The following NTM variants were observed in gnomAD, a reference collection of about 807,000 sequenced individuals.
The protein encoded by NTM is neurotrimin.
A neutral mutation model predicts 42.1 loss-of-function variants in NTM; 13 were observed. The observed-to-expected ratio is 0.31, with a 90% CI of 0.20 to 0.49. The LOEUF (loss-of-function observed/expected upper bound fraction) is 0.49. Among genes scored for constraint, NTM ranks in the 20% least tolerant of loss-of-function variants. The pLI is 0.99. For missense variants in NTM, 373 were observed against 452.8 expected (o/e 0.82, Z 1.60); for synonymous variants, 187 against 179.2 (o/e 1.04, Z -0.35).
At chr11:131,475,470 A>C (rs1365995433) in intron 1 of NTM, among the ~76,000 whole-genome samples, 1 of 152,052 alleles carries the variant, frequency 6.6e-6, no homozygotes, top group Non-Finnish European at 1.5e-5. Flanking sequence ...AAAATGGGAC[A>C]TGAAATAAAA....
At chr11:132,109,823 C>T (rs1221473077) in intron 2 of NTM, among the ~76,000 whole-genome samples, 3 of 152,210 alleles carry the variant, frequency 2.0e-5, no homozygotes, top group Middle Eastern at 3.2e-3. Flanking sequence ...ATCCCAAAGT[C>T]CATTGTATCA....
At chr11:132,032,098 G>A (rs1249320767) in intron 2 of NTM, among the ~76,000 whole-genome samples, 1 of 152,078 alleles carries the variant, frequency 6.6e-6, no homozygotes, top group Admixed American at 6.5e-5. Context: ...ATCCCAAGTG[G>A]ACTCTATGCT....
At position 131,544,926 on chromosome 11, in the gene NTM, A is replaced by C. The variant is rs534634233; in HGVS notation, c.82+174038A>C. Among the ~76,000 whole-genome samples the C allele has an allele frequency of 3.3e-5, 5 of 152,292 alleles. No homozygotes were observed. In the South Asian group the frequency reaches 8.3e-4, roughly 25 times the overall value. On this transcript the variant is annotated intron_variant, in intron 1 of 8. Transcript: ENST00000683400. ...ACGGTGGTTTCAGAATCTTACCAATAGCTTGATCATTTTCGGAAGGACCCC... is the reference window on the plus strand; with the variant it reads ...ACGGTGGTTTCAGAATCTTACCAATCGCTTGATCATTTTCGGAAGGACCCC...
intron 2 of NTM, among the ~76,000 whole-genome samples, chr11:131,976,673 G>A (rs2134809543): frequency 6.6e-6 from 1 of 152,188 alleles, no homozygotes; most frequent in East Asian, 1.9e-4. Flanking sequence ...AAATGTCCAG[G>A]ATGCTCTCTG....
intron 1 of NTM, among the ~76,000 whole-genome samples, chr11:131,853,730 T>G (rs2045822445): frequency 6.6e-6 from 1 of 152,214 alleles, no homozygotes; most frequent in South Asian, 2.1e-4. Flanking sequence ...TATAAGAGAA[T>G]GATTTATATT....
chr11:131,897,285 GA>G (rs954959870), intron 1 of NTM, among the ~76,000 whole-genome samples: 6 of 152,088 alleles, frequency 3.9e-5, no homozygotes, highest in South Asian at 2.1e-4. Flanking sequence ...AGAGGGGAAA[GA>G]AAAAAAGCAA....
chr11:131,961,326 A>T (rs1421743689), intron 2 of NTM, among the ~76,000 whole-genome samples: 1 of 152,152 alleles, frequency 6.6e-6, no homozygotes, highest in Admixed American at 6.6e-5. Flanking sequence ...AGGTGTGTGG[A>T]GTGGGAGGAC....
chr11:131,613,509 G>C (rs1240393362), intron 1 of NTM, among the ~76,000 whole-genome samples: 1 of 152,180 alleles, frequency 6.6e-6, no homozygotes, highest in Non-Finnish European at 1.5e-5. Flanking sequence ...ATGCCAGACA[G>C]AGGAGGGAAT....
At chr11:132,285,374 GTTAA>G (rs1181462358) in intron 4 of NTM, among the ~76,000 whole-genome samples, 1 of 152,132 alleles carries the variant, frequency 6.6e-6, no homozygotes, top group African/African-American at 2.4e-5. Flanking sequence ...TTTTGTTGTT[GTTAA>G]TTGTCATGCA....
intron 1 of NTM, among the ~76,000 whole-genome samples, chr11:131,703,885 C>T (rs566198842): frequency 2.6e-5 from 4 of 152,154 alleles, no homozygotes; most frequent in Admixed American, 2.0e-4. Flanking sequence ...GCCCCAGTTT[C>T]CAGGCCTGCC....
At chr11:132,321,639 CA>C (rs1194282552) in intron 7 of NTM, among the ~76,000 whole-genome samples, 1 of 152,026 alleles carries the variant, frequency 6.6e-6, no homozygotes, top group Non-Finnish European at 1.5e-5. Flanking sequence ...CCCAATCTAG[CA>C]AGGCAGGCCA....
At chr11:131,874,883 C>T (rs1467261644) in intron 1 of NTM, among the ~76,000 whole-genome samples, 1 of 152,146 alleles carries the variant, frequency 6.6e-6, no homozygotes, top group Non-Finnish European at 1.5e-5. Flanking sequence ...TAATGAGAAA[C>T]TTAGTTGTGA....
intron 2 of NTM, among the ~76,000 whole-genome samples, chr11:132,025,824 A>C (rs1350546080): frequency 6.6e-6 from 1 of 152,210 alleles, no homozygotes; most frequent in African/African-American, 2.4e-5. Context: ...GGCACTTACT[A>C]ATCACTCAAA....
intron 1 of NTM, among the ~76,000 whole-genome samples, chr11:131,451,019 T>C (rs1950444346): frequency 6.6e-6 from 1 of 152,178 alleles, no homozygotes; most frequent in African/African-American, 2.4e-5. Context: ...TCACACAGTC[T>C]ATAGACATCA....
At chr11:131,645,731 G>A (rs1403188880) in intron 1 of NTM, among the ~76,000 whole-genome samples, 1 of 152,052 alleles carries the variant, frequency 6.6e-6, no homozygotes, top group East Asian at 1.9e-4. Flanking sequence ...CATTTGATTG[G>A]AAGTTCTCCT....
At chr11:131,734,879 G>T (rs1211411299) in intron 1 of NTM, among the ~76,000 whole-genome samples, 1 of 152,050 alleles carries the variant, frequency 6.6e-6, no homozygotes, top group African/African-American at 2.4e-5. Flanking sequence ...TAAGAACAAA[G>T]AATAATTAAA....
At chr11:131,559,639 C>A (rs997095901) in intron 1 of NTM, among the ~76,000 whole-genome samples, 1 of 152,176 alleles carries the variant, frequency 6.6e-6, no homozygotes, top group African/African-American at 2.4e-5. Flanking sequence ...GTAATCAGGC[C>A]TCTCCCAAAA....
At chr11:132,284,474 C>T (rs2139892680) in intron 4 of NTM, 1 of 153,320 alleles carries the variant, frequency 6.5e-6, no homozygotes, top group East Asian at 1.9e-4. Context: ...CTCAGTTTAA[C>T]TGCATGACCT....
intron 1 of NTM, among the ~76,000 whole-genome samples, chr11:131,433,908 A>G (rs1201780203): frequency 6.6e-6 from 1 of 152,242 alleles, no homozygotes; most frequent in East Asian, 1.9e-4. Flanking sequence ...TTAACTCGTC[A>G]TTTACATTAG....
Sources: gnomAD v4.1 joint callset for allele counts (sites outside exome capture counted in the v4.1 genomes callset) on GRCh38, gnomAD v4.1.1 for gene constraint, MANE v1.5 for transcripts, NCBI Gene and HGNC (gene_info 2026-07-23, HGNC 2026-07-21) for gene names.